The following GFRA1 variants were observed in gnomAD, a reference collection of about 807,000 sequenced individuals.
The protein encoded by GFRA1 is GDNF family receptor alpha-1.
A neutral mutation model predicts 51.6 loss-of-function variants in GFRA1; 16 were observed. The observed-to-expected ratio is 0.31, with a 90% CI of 0.21 to 0.47. The LOEUF is 0.47. Ranked by LOEUF, GFRA1 falls within the 20% of genes least tolerant of loss-of-function variation. The pLI, the probability that GFRA1 is intolerant of heterozygous loss-of-function variation, is 1.00. For synonymous variants in GFRA1, 270 were observed against 241.3 expected, an observed-to-expected ratio of 1.12 and a Z score of -1.10; for missense variants, 530 against 594.3, an observed-to-expected ratio of 0.89 and a Z score of 1.13.
chr10:116,071,261 C>T (rs1955378103), intron 9 of GFRA1, among the ~76,000 whole-genome samples: 2 of 152,136 alleles, frequency 1.3e-5, no homozygotes, highest in African/African-American at 4.8e-5. Context: ...TCTACCTGCT[C>T]CCCCTGAAGA....
At chr10:116,138,635 A>ACCCCCCCCCCAC (rs368825109) in intron 5 of GFRA1, among the ~76,000 whole-genome samples, 1 of 120,252 alleles carries the variant, frequency 8.3e-6, no homozygotes, top group African/African-American at 3.1e-5. Context: ...GATGGTAGGA[A>ACCCCCCCCCCAC]CCCCCCCCCG....
intron 4 of GFRA1, among the ~76,000 whole-genome samples, chr10:116,227,833 T>G (rs563306392): frequency 6.6e-6 from 1 of 152,242 alleles, no homozygotes; most frequent in African/African-American, 2.4e-5. Context: ...GTATCATGCT[T>G]GTTGTGGCAC....
chr10:116,248,856 A>G lies in GFRA1; in HGVS notation c.418+20647T>C, dbSNP rs180786520. ...TAGCTGGTCCTTCTCAAATGTGACA[A>G]TGACGACAGTGGGCTGAGAAAACCA... On this transcript the variant is annotated intron_variant, in intron 4 of 10. Coordinates refer to ENST00000355422, the MANE Select transcript of GFRA1 (RefSeq NM_005264.8). 2.8e-4 allele frequency among the ~76,000 whole-genome samples: 43 copies of G among 152,264 alleles called. No homozygotes were observed. The Middle Eastern group carries it at 0.01, about 36-fold the overall frequency.
chr10:116,072,072 C>CTT (rs572390494), intron 9 of GFRA1, among the ~76,000 whole-genome samples: 3 of 142,518 alleles, frequency 2.1e-5, no homozygotes, highest in South Asian at 2.2e-4. Flanking sequence ...AATCCAAAGG[C>CTT]TTTTTTTTTT....
chr10:116,058,681 C>G lies in GFRA1; in HGVS notation c.*5717G>C, dbSNP rs980566. The G allele has an allele frequency of 6.6e-6, 1 of 152,312 alleles. No individual in the cohort carries two copies. Among genetic ancestry groups the G allele is most frequent in the African/African-American group, 2.4e-5 (1 of 41,472 alleles). 9.4% of individuals were successfully genotyped at this position (152,312 alleles called of 1,614,324 possible). On this transcript the variant is annotated 3_prime_UTR_variant, in exon 11 of 11. Transcript: ENST00000355422. ...CAATCTGGAAGGGATGGGTGTTTCC[C>G]TAAGCTGCTGTCAGAGGGCCCTGTG...
At chr10:116,151,915 T>A (rs539066216) in intron 5 of GFRA1, among the ~76,000 whole-genome samples, 1 of 152,336 alleles carries the variant, frequency 6.6e-6, no homozygotes, top group Admixed American at 6.5e-5. Context: ...ACTCTTCTAC[T>A]CCACTTTAGG....
Position 116,058,503 on chromosome 10 carries a change from G to A in GFRA1, c.*5895C>T, listed in dbSNP as rs1589752866. ...GCCTTTTAGGCTCAGGATGAAGGTG[G>A]GTGTGTTTGCCTTCTCTATCATGGA... is the stretch of plus-strand genomic sequence containing the variant. On this transcript the variant is annotated 3_prime_UTR_variant, in exon 11 of 11. Transcript: ENST00000355422. 6.6e-6 allele frequency: 1 copy of A among 152,256 alleles called. No individual in the cohort carries two copies. The highest frequency in any genetic ancestry group is 2.4e-5 in the African/African-American group (1 of 41,442). 9.4% of individuals were successfully genotyped at this position (152,256 alleles called of 1,614,324 possible).
chr10:116,095,328 GC>G (rs1171315181), intron 7 of GFRA1, among the ~76,000 whole-genome samples: 1 of 152,246 alleles, frequency 6.6e-6, no homozygotes, highest in Non-Finnish European at 1.5e-5. Flanking sequence ...AGCAGATGCA[GC>G]TAGAGTTGAG....
rs542525322 is a variant in GFRA1, at chr10:116,064,058, G to C, written c.*340C>G. On this transcript the variant is annotated 3_prime_UTR_variant, in exon 11 of 11. Coordinates refer to ENST00000355422, the MANE Select transcript of GFRA1 (RefSeq NM_005264.8). ...TTAAAATCATCATCATGATCATGAT[G>C]ATCATCATCATGATCATGATGATCA... 257 of 188,508 alleles carry C rather than the reference G, an allele frequency of 1.4e-3. 2 individuals carry two copies. The highest frequency in any genetic ancestry group is 1.9e-3 in the East Asian group (8 of 4,114). The allele number at this position is 188,508 out of a possible 1,614,324, so 11.7% of individuals were successfully genotyped here. A position where few individuals can be genotyped will look rare whatever the true frequency, so the allele number is the denominator to read the frequency against.
chr10:116,131,368 C>T (rs1958095473), intron 5 of GFRA1, among the ~76,000 whole-genome samples: 1 of 152,164 alleles, frequency 6.6e-6, no homozygotes, highest in Non-Finnish European at 1.5e-5. Flanking sequence ...TAAAACTAAA[C>T]ATACAATTAC....
chr10:116,094,124 A>ACTT (rs1470052194), intron 7 of GFRA1, among the ~76,000 whole-genome samples: 1 of 152,186 alleles, frequency 6.6e-6, no homozygotes, highest in African/African-American at 2.4e-5. Flanking sequence ...GAAAGAATTA[A>ACTT]CTTAGAGAAC....
intron 5 of GFRA1, among the ~76,000 whole-genome samples, chr10:116,193,805 C>A (rs1963478515): frequency 6.6e-6 from 1 of 151,652 alleles, no homozygotes; most frequent in Non-Finnish European, 1.5e-5. Context: ...TGCCTGTAAT[C>A]CCAGCACTTT....
At chr10:116,245,658 C>T (rs896580950) in intron 4 of GFRA1, among the ~76,000 whole-genome samples, 3 of 152,070 alleles carry the variant, frequency 2.0e-5, no homozygotes, top group East Asian at 1.9e-4. Flanking sequence ...CATAATAAAA[C>T]GGACAACAGC....
chr10:116,093,960 A>G, intron 7 of GFRA1, 124 bp from the exon 8 acceptor site: 1 of 902,684 alleles, frequency 1.1e-6, no homozygotes. Context: ...GTATTTGCTG[A>G]GTGGGAAATT....
Position 116,080,095 on chromosome 10 carries a change from G to A in GFRA1, c.1197+9646C>T, listed in dbSNP as rs1013745784. Among the ~76,000 whole-genome samples the A allele has an allele frequency of 9.9e-5, 15 of 152,170 alleles. No homozygotes were observed. The East Asian group carries it at 2.7e-3, about 27-fold the overall frequency. On this transcript the variant is annotated intron_variant, in intron 9 of 10. Coordinates refer to ENST00000355422, the MANE Select transcript of GFRA1 (RefSeq NM_005264.8). ...CTCTGACACTGAAGGTGGGACGAAGGGGGACAGTGATATCCAATTGCTGGG... is the reference window on the plus strand; with the variant it reads ...CTCTGACACTGAAGGTGGGACGAAGAGGGACAGTGATATCCAATTGCTGGG...
chr10:116,093,014 G>A (rs761965099), intron 8 of GFRA1, among the ~76,000 whole-genome samples: 1 of 152,076 alleles, frequency 6.6e-6, no homozygotes, highest in Non-Finnish European at 1.5e-5. Context: ...TGTCCCTTTG[G>A]GAAACGTGTT....
At chr10:116,117,023 C>T (rs918439502) in intron 6 of GFRA1, among the ~76,000 whole-genome samples, 1 of 152,164 alleles carries the variant, frequency 6.6e-6, no homozygotes. Context: ...GAAAGACAGT[C>T]ATCTGGAAAT....
intron 9 of GFRA1, among the ~76,000 whole-genome samples, chr10:116,074,206 AG>A (rs1294806062): frequency 6.6e-6 from 1 of 152,158 alleles, no homozygotes; most frequent in Non-Finnish European, 1.5e-5. Context: ...TGACTTGCTC[AG>A]GTTTCCACAG....
intron 4 of GFRA1, among the ~76,000 whole-genome samples, chr10:116,226,580 C>T (rs1042069218): frequency 6.6e-6 from 1 of 151,746 alleles, no homozygotes; most frequent in Non-Finnish European, 1.5e-5. Flanking sequence ...CTTTTTGGCA[C>T]CAGGGACTGG....
Sources: allele counts gnomAD v4.1 joint callset (sites outside exome capture counted in the v4.1 genomes callset), GRCh38; gene constraint gnomAD v4.1.1; transcripts MANE v1.5; gene names NCBI Gene and HGNC (gene_info 2026-07-23, HGNC 2026-07-21).